MS4A6A: variants seen among roughly 807,000 people sequenced by gnomAD.
MS4A6A encodes membrane-spanning 4-domains subfamily A member 6A.
In MS4A6A, 19 loss-of-function variants were observed where a neutral mutation model predicts 20.6. The observed-to-expected ratio is 0.92, with a 90% CI of 0.64 to 1.36. The LOEUF (loss-of-function observed/expected upper bound fraction) is 1.36, where lower values mean the gene tolerates loss of function less well. Among genes scored for constraint, MS4A6A ranks in the 40% most tolerant of loss-of-function variants. MS4A6A has a pLI of 0.00. For missense variants in MS4A6A, 272 were observed against 261.1 expected (o/e 1.04, Z -0.29); for synonymous variants, 108 against 105.0 (o/e 1.03, Z -0.17).
chr11:60,180,287 C>T, intron 2 of MS4A6A: 2 of 339,954 alleles, frequency 5.9e-6, no homozygotes, highest in Non-Finnish European at 5.3e-6. Context: ...CTCTCAGGAC[C>T]TCTAAGTCCA....
At chr11:60,172,402 T>G, downstream of MS4A6A, 1 of 1,399,434 alleles carries the variant, frequency 7.1e-7, no homozygotes, top group Non-Finnish European at 9.3e-7. Flanking sequence ...TAATTGCAAT[T>G]TATCACCCTA....
chr11:60,181,416 G>C, intron 2 of MS4A6A, 165 bp downstream of exon 2: 1 of 690,666 alleles, frequency 1.4e-6, no homozygotes, highest in Non-Finnish European at 2.4e-6. Context: ...ACAACCTCTT[G>C]TGGAAAAGTT....
At chr11:60,181,765 G>C (rs367725309) in intron 1 of MS4A6A, 24 bp from the exon 2 acceptor site, 5 of 1,611,730 alleles carry the variant, frequency 3.1e-6, no homozygotes, top group Middle Eastern at 1.7e-4. Flanking sequence ...AATAGATTTA[G>C]CTCTTAAAAA....
intron 2 of MS4A6A, chr11:60,180,317 C>T: frequency 4.2e-6 from 1 of 239,284 alleles, no homozygotes; most frequent in East Asian, 9.5e-5. Flanking sequence ...AACTCTCTTT[C>T]TATCTCTCTG....
upstream of MS4A6A, chr11:60,183,898 T>C (rs1053920763): frequency 1.3e-5 from 2 of 152,270 alleles, no homozygotes; most frequent in African/African-American, 2.4e-5. Flanking sequence ...GCTGGTTTTG[T>C]GAGGACAGAG....
chr11:60,172,030 GT>G (rs967626495), downstream of MS4A6A: 23 of 886,184 alleles, frequency 2.6e-5, no homozygotes, highest in Middle Eastern at 3.5e-4. Context: ...TGAAATAATG[GT>G]TTTTTTTAAT....
upstream of MS4A6A, chr11:60,184,547 C>A (rs943260716): frequency 3.9e-5 from 6 of 152,286 alleles, no homozygotes; most frequent in Non-Finnish European, 8.8e-5. Context: ...CCTACCTAAG[C>A]AAAGGCTCCC....
Position 60,172,991 on chromosome 11 carries a change from C to T in MS4A6A, c.*10G>A. 1 of 1,613,816 alleles carries T rather than the reference C, an allele frequency of 6.2e-7. No homozygotes were observed. The highest frequency in any genetic ancestry group is 8.5e-7 in the Non-Finnish European group (1 of 1,179,802). ...CAACACAGTGCAGGGATAAGATACA[C>T]TAGGCAAGGTTAAGTGAAGCCGGCC... On this transcript the variant is annotated 3_prime_UTR_variant, in exon 6 of 6. Coordinates refer to ENST00000528851, the MANE Select transcript of MS4A6A (RefSeq NM_022349.4).
chr11:60,177,573 G>C (rs1304295471), intron 4 of MS4A6A, among the ~76,000 whole-genome samples: 1 of 132,758 alleles, frequency 7.5e-6, no homozygotes, highest in Non-Finnish European at 1.8e-5. Context: ...TGTTGTTGTT[G>C]TTTTGTTTTT....
chr11:60,173,204 T>C, intron 5 of MS4A6A, 75 bp from the exon 6 acceptor site: 3 of 1,337,650 alleles, frequency 2.2e-6, no homozygotes, highest in Non-Finnish European at 2.1e-6. Flanking sequence ...GAGGTGACCA[T>C]AGAGATGAAG....
At chr11:60,175,716 G>T (rs1204374498) in intron 4 of MS4A6A, 105 bp from the exon 5 acceptor site, 4 of 1,204,666 alleles carry the variant, frequency 3.3e-6, no homozygotes, top group Non-Finnish European at 4.7e-6. Flanking sequence ...CCCCTCAGGA[G>T]GTCTGGGATT....
upstream of MS4A6A, chr11:60,183,220 A>G (rs1234689153): frequency 6.6e-7 from 1 of 1,525,752 alleles, no homozygotes; most frequent in Non-Finnish European, 8.8e-7. Flanking sequence ...AGAGCCAACT[A>G]ATATTTGTGA....
intron 3 of MS4A6A, 174 bp from the exon 4 acceptor site, chr11:60,178,490 A>G (rs1856963960): frequency 1.9e-6 from 1 of 515,918 alleles, no homozygotes; most frequent in East Asian, 3.2e-5. Flanking sequence ...TAACATTCAG[A>G]TAACATCAGA....
At position 60,183,013 on chromosome 11, in the gene MS4A6A, T is replaced by G; in HGVS notation, c.-50A>C. 7.1e-7 allele frequency: 1 copy of G among 1,415,214 alleles called. No homozygotes were observed. The highest frequency in any genetic ancestry group is 9.2e-7 in the Non-Finnish European group (1 of 1,092,536). The allele number at this position is 1,415,214 out of a possible 1,614,324, so 87.7% of individuals were successfully genotyped here. A position where few individuals can be genotyped will look rare whatever the true frequency, so the allele number is the denominator to read the frequency against. The stretch of plus-strand genomic sequence containing the variant: ...TGGTTCCAGCTGAGTCCTCAGAAGC[T>G]CCAAAGAGGTTTTAACTCTGGTTTC... On this transcript the variant is annotated 5_prime_UTR_variant, in exon 1 of 6. Transcript: ENST00000528851.
chr11:60,173,040 A>C lies in MS4A6A; in HGVS notation c.639T>G (p.Ser213=). The C allele has an allele frequency of 1.2e-6, 2 of 1,614,144 alleles. No homozygotes were observed. The highest frequency in any genetic ancestry group is 1.7e-6 in the Non-Finnish European group (2 of 1,179,990). ...TAVLRWKQAY[S]DFPGVSVLAG... ...CCAGCACACTCACCCCAGGGAAGTCAGAGTAAGCCTGTTTCCACCGCAGCA... is the reference window on the plus strand; with the variant it reads ...CCAGCACACTCACCCCAGGGAAGTCCGAGTAAGCCTGTTTCCACCGCAGCA... The change falls in exon 6 of 6, where the codon TCT becomes TCG. Residue 213 remains serine, a synonymous_variant. Coordinates refer to ENST00000528851, the MANE Select transcript of MS4A6A (RefSeq NM_022349.4).
intron 2 of MS4A6A, 118 bp downstream of exon 2, chr11:60,181,462 AG>A: frequency 3.1e-6 from 4 of 1,295,960 alleles, no homozygotes; most frequent in Non-Finnish European, 4.3e-6. Context: ...TCTACCCTAA[AG>A]TCCCTCTAGC....
intron 3 of MS4A6A, chr11:60,178,787 G>C: frequency 2.3e-6 from 1 of 438,314 alleles, no homozygotes; most frequent in South Asian, 1.7e-5. Flanking sequence ...TGAAAATGGT[G>C]CTTTACCTCA....
At chr11:60,172,339 T>A, downstream of MS4A6A, 4 of 1,533,498 alleles carry the variant, frequency 2.6e-6, no homozygotes, top group Non-Finnish European at 3.5e-6. Flanking sequence ...ACTGTATACA[T>A]AGAATTCTTA....
At chr11:60,173,980 C>G (rs1255863198) in intron 5 of MS4A6A, among the ~76,000 whole-genome samples, 1 of 152,162 alleles carries the variant, frequency 6.6e-6, no homozygotes, top group Non-Finnish European at 1.5e-5. Flanking sequence ...GGAAATTGTT[C>G]CAGCAAGCAA....
Sources: gnomAD v4.1 joint callset for allele counts (sites outside exome capture counted in the v4.1 genomes callset) on GRCh38, gnomAD v4.1.1 for gene constraint, MANE v1.5 for transcripts, NCBI Gene and HGNC (gene_info 2026-07-23, HGNC 2026-07-21) for gene names.